The following FGFRL1 variants were observed in gnomAD, a reference collection of about 807,000 sequenced individuals.
FGFRL1 encodes the protein fibroblast growth factor receptor-like 1.
Under a neutral mutation model 36.8 loss-of-function variants are expected in FGFRL1, and 24 were observed. The observed-to-expected ratio is 0.65, with a 90% CI of 0.47 to 0.92. The LOEUF (loss-of-function observed/expected upper bound fraction) is 0.92, where lower values mean the gene tolerates loss of function less well. Among genes scored for constraint, FGFRL1 ranks in the 40% least tolerant of loss-of-function variants. The pLI is 0.00. For synonymous variants in FGFRL1, 422 were observed against 344.1 expected, an observed-to-expected ratio of 1.23 and a Z score of -2.50; for missense variants, 785 against 753.4, an observed-to-expected ratio of 1.04 and a Z score of -0.49.
chr4:1,023,477 C>T lies in FGFRL1; in HGVS notation c.353-164C>T, dbSNP rs1451989067. Among the ~76,000 whole-genome samples, 1 of 152,208 alleles carries T rather than the reference C, an allele frequency of 6.6e-6. No individual in the cohort carries two copies. Among genetic ancestry groups the T allele is most frequent in the Non-Finnish European group, 1.5e-5 (1 of 68,020 alleles). ...GTGTGGGCCAGCGGCCCTTGCCCAG[C>T]TGTCCCTGGGATTCTGGGCTGTGGG... On this transcript the variant is annotated intron_variant, in intron 3 of 6. Transcript: ENST00000510644. This position sits in a 1 kb window ranked among gnomAD's most constrained non-coding sequence, Gnocchi z 6.0.
chr4:1,023,517 C>T lies in FGFRL1; in HGVS notation c.353-124C>T, dbSNP rs753443118. 1.4e-5 allele frequency: 12 copies of T among 880,678 alleles called. No homozygotes were observed. The highest frequency in any genetic ancestry group is 1.8e-5 in the Non-Finnish European group (10 of 549,206). The allele number at this position is 880,678 out of a possible 1,614,324, so 54.6% of individuals were successfully genotyped here. On this transcript the variant is annotated intron_variant, in intron 3 of 6. Transcript: ENST00000510644. This position sits in a 1 kb window ranked among gnomAD's most constrained non-coding sequence, Gnocchi z 6.0. ...TGGGCTGTGGGTGTGTGGCGCAGCC[C>T]CCTGCCTGGGTGTCCAGGGCTGTCC...
At position 1,025,095 on chromosome 4, in the gene FGFRL1, G is replaced by T. The variant is rs907710217; in HGVS notation, c.1263G>T (p.Gly421=). ...CCCTGCCTGGGCACCGCCCGCCGGG[G>T]ACGGCCCGCGACCGCAGCGGAGACA... ...APPLPGHRPP[G]TARDRSGDKD... The change falls in exon 7 of 7, where the codon GGG becomes GGT. Residue 421 remains glycine (G), a synonymous_variant. Transcript: ENST00000510644. 1.2e-6 allele frequency: 2 copies of T among 1,610,374 alleles called. No individual in the cohort carries two copies. Among genetic ancestry groups the T allele is most frequent in the African/African-American group, 2.7e-5 (2 of 74,874 alleles).
At position 1,024,130 on chromosome 4, in the gene FGFRL1, G is replaced by A. The variant is rs552464132; in HGVS notation, c.718+29G>A. 3.2e-5 allele frequency: 45 copies of A among 1,423,502 alleles called. No homozygotes were observed. In the African/African-American group the frequency reaches 4.4e-4, roughly 14 times the overall value. 88.2% of individuals were successfully genotyped at this position (1,423,502 alleles called of 1,614,324 possible). A position where few individuals can be genotyped will look rare whatever the true frequency, so the allele number is the denominator to read the frequency against. ...AGTGTGGCCCCGGGCGCTGGCGGGC[G>A]GGGGGTGCTGGTGGGCGGGGGCGCT... On this transcript the variant is annotated intron_variant, in intron 5 of 6. Coordinates refer to ENST00000510644, the MANE Select transcript of FGFRL1 (RefSeq NM_001004356.3).
intron 2 of FGFRL1, among the ~76,000 whole-genome samples, chr4:1,014,086 T>C (rs1577556277): frequency 6.6e-6 from 1 of 152,240 alleles, no homozygotes; most frequent in East Asian, 1.9e-4. Flanking sequence ...TCTCCTGCTC[T>C]GAACAGCCCA....
At position 1,023,945 on chromosome 4, in the gene FGFRL1, G is replaced by A. The variant is rs1053065027; in HGVS notation, c.562G>A (p.Asp188Asn). Residue 188 changes from aspartate to asparagine, a missense_variant, in exon 5 of 7, where the codon GAC becomes AAC. By Grantham distance (23) the Asp-to-Asn change is conservative. Coordinates refer to ENST00000510644, the MANE Select transcript of FGFRL1 (RefSeq NM_001004356.3). The surrounding 1 kb of genome is among the most constrained non-coding windows in gnomAD (Gnocchi z 6.0). ...PRPDITWMKDDQALTRPEAAE... is the reference protein window; with the variant it reads ...PRPDITWMKDNQALTRPEAAE... The stretch of plus-strand genomic sequence containing the variant: ...GCCCGACATCACGTGGATGAAGGAC[G>A]ACCAGGCCTTGACGCGCCCAGAGGC... 7.5e-6 allele frequency: 12 copies of A among 1,590,328 alleles called. No homozygotes were observed. Among genetic ancestry groups the A allele is most frequent in the Middle Eastern group, 1.6e-4 (1 of 6,068 alleles).
chr4:1,025,554 GCA>G lies in FGFRL1; in HGVS notation c.*211_*212del. 1 of 652,394 alleles carries G rather than the reference GCA, an allele frequency of 1.5e-6. No homozygotes were observed. The highest frequency in any genetic ancestry group is 2.6e-6 in the Non-Finnish European group (1 of 387,496). 40.4% of individuals were successfully genotyped at this position (652,394 alleles called of 1,614,324 possible). On this transcript the variant is annotated 3_prime_UTR_variant, in exon 7 of 7. Transcript: ENST00000510644. ...GATGCATGTATGCACACACATGCGCGCACACGTGCTCCCTGAAGGCACACGTA... is the reference window on the plus strand; with the variant it reads ...GATGCATGTATGCACACACATGCGCGCACGTGCTCCCTGAAGGCACACGTA...
chr4:1,011,531 G>T (rs921019878), upstream of FGFRL1, among the ~76,000 whole-genome samples: 1 of 145,672 alleles, frequency 6.9e-6, no homozygotes, highest in Non-Finnish European at 1.5e-5. Context: ...AAGTTTGGCG[G>T]CGGGGCGGGG....
chr4:1,013,755 A>G (rs543785846), intron 2 of FGFRL1, among the ~76,000 whole-genome samples: 188 of 152,364 alleles, frequency 1.2e-3, no homozygotes, highest in Non-Finnish European at 1.6e-3. Flanking sequence ...CTGTCCTGCC[A>G]TGTTTCCTGG....
chr4:1,022,461 C>T lies in FGFRL1; in HGVS notation c.338C>T (p.Thr113Ile), dbSNP rs377060032. 2 of 1,603,838 alleles carry T rather than the reference C, an allele frequency of 1.2e-6. No individual in the cohort carries two copies. The highest frequency in any genetic ancestry group is 1.3e-5 in the African/African-American group (1 of 74,812). ...TTCGGCAGCCTGAGCGTCAACTACA[C>T]CCTCGTCGTGCTGGGTTAGTCGCTG... ...NGFGSLSVNY[T>I]LVVLDDISPG... is the part of the protein sequence containing the mutation. Residue 113 changes from threonine to isoleucine, a missense_variant, in exon 3 of 7, where the codon ACC becomes ATC. Coordinates refer to ENST00000510644, the MANE Select transcript of FGFRL1 (RefSeq NM_001004356.3).
chr4:1,024,638 G>A lies in FGFRL1; in HGVS notation c.1046G>A (p.Arg349His), dbSNP rs1009734189. Residue 349 changes from arginine (R) to histidine (H), a missense_variant, in exon 6 of 7, where the codon CGC (arginine) becomes CAC (histidine). Coordinates refer to ENST00000510644, the MANE Select transcript of FGFRL1 (RefSeq NM_001004356.3). ...GCCAACACCATGGGCTACAGCTTCC[G>A]CAGCGCCTTCCTCACCGTGCTGCCA... ...LGANTMGYSFRSAFLTVLPDP... is the reference protein window; with the variant it reads ...LGANTMGYSFHSAFLTVLPDP... 4.4e-6 allele frequency: 7 copies of A among 1,606,316 alleles called. No individual in the cohort carries two copies. The highest frequency in any genetic ancestry group is 1.7e-5 in the Admixed American group (1 of 59,888).
intron 2 of FGFRL1, among the ~76,000 whole-genome samples, chr4:1,021,882 C>T (rs1024699474): frequency 2.0e-5 from 3 of 152,228 alleles, no homozygotes; most frequent in Non-Finnish European, 4.4e-5. Flanking sequence ...TTACCAAGCG[C>T]AGCTGTTTTG....
At chr4:1,013,814 G>A (rs990610585) in intron 2 of FGFRL1, among the ~76,000 whole-genome samples, 1 of 152,298 alleles carries the variant, frequency 6.6e-6, no homozygotes, top group East Asian at 1.9e-4. Flanking sequence ...CATGGCAGTG[G>A]GCGGCAGAGC....
In FGFRL1 at chr4:1,025,219, G is replaced by C. The variant is rs1560566374; in HGVS notation, c.1387G>C (p.Gly463Arg). 6.2e-7 allele frequency: 1 copy of C among 1,609,996 alleles called. No individual in the cohort carries two copies. Among genetic ancestry groups the C allele is most frequent in the East Asian group, 2.2e-5 (1 of 44,796 alleles). ...AGCCCCCCAGCACTTACTGGGCCCAGGCCCAGTTGCTGGCCCTAAGTTGTA... is the reference window on the plus strand; with the variant it reads ...AGCCCCCCAGCACTTACTGGGCCCACGCCCAGTTGCTGGCCCTAAGTTGTA... ...PAAPQHLLGP[G>R]PVAGPKLYPK... The change falls in exon 7 of 7, where the codon GGC (glycine) becomes CGC (arginine). Residue 463 changes from glycine (G) to arginine (R), a missense_variant. Gly to Arg is a moderately radical substitution (Grantham distance 125). Coordinates refer to ENST00000510644, the MANE Select transcript of FGFRL1 (RefSeq NM_001004356.3).
intron 2 of FGFRL1, among the ~76,000 whole-genome samples, chr4:1,019,127 T>C (rs981399472): frequency 6.6e-6 from 1 of 152,206 alleles, no homozygotes; most frequent in East Asian, 1.9e-4. Context: ...CGCATGCCTT[T>C]GGGGACCCTT....
In FGFRL1 at chr4:1,023,507, T is replaced by TGGC; in HGVS notation, c.353-132_353-130dup. The TGGC allele has an allele frequency of 6.3e-6, 5 of 797,270 alleles. No individual in the cohort carries two copies. The highest frequency in any genetic ancestry group is 1.0e-5 in the Non-Finnish European group (5 of 480,002). 49.4% of individuals were successfully genotyped at this position (797,270 alleles called of 1,614,324 possible). On this transcript the variant is annotated intron_variant, in intron 3 of 6. Coordinates refer to ENST00000510644, the MANE Select transcript of FGFRL1 (RefSeq NM_001004356.3). The surrounding 1 kb of genome is among the most constrained non-coding windows in gnomAD (Gnocchi z 6.0). ...CCTGGGATTCTGGGCTGTGGGTGTG[T>TGGC]GGCGCAGCCCCCTGCCTGGGTGTCC...
intron 2 of FGFRL1, 118 bp downstream of exon 2, chr4:1,012,682 C>T (rs1715663595): frequency 4.6e-6 from 2 of 432,142 alleles, no homozygotes; most frequent in African/African-American, 4.3e-5. Flanking sequence ...GCCCCTGCCG[C>T]CCCGCTCGCC....
rs539246283 is a variant in FGFRL1 at position 1,026,017 on chromosome 4, A to G, written c.*670A>G. On this transcript the variant is annotated 3_prime_UTR_variant, in exon 7 of 7. Coordinates refer to ENST00000510644, the MANE Select transcript of FGFRL1 (RefSeq NM_001004356.3). ...AGATATGCTGTCTAGTCACACACAC[A>G]CGCAGACATGCTGTCCGGACACACA... is the stretch of plus-strand genomic sequence containing the variant. The G allele has an allele frequency of 7.1e-6, 1 of 141,510 alleles. No individual in the cohort carries two copies. Among genetic ancestry groups the G allele is most frequent in the South Asian group, 2.4e-4 (1 of 4,124 alleles). The allele number at this position is 141,510 out of a possible 1,614,324, so 8.8% of individuals were successfully genotyped here. A position where few individuals can be genotyped will look rare whatever the true frequency, so the allele number is the denominator to read the frequency against.
At position 1,024,467 on chromosome 4, in the gene FGFRL1, A is replaced by T. The variant is rs1438289531; in HGVS notation, c.875A>T (p.His292Leu). The change falls in exon 6 of 7, where the codon CAC (histidine) becomes CTC (leucine). Residue 292 changes from histidine (H) to leucine (L), a missense_variant. His to Leu is a moderately conservative substitution (Grantham distance 99). Coordinates refer to ENST00000510644, the MANE Select transcript of FGFRL1 (RefSeq NM_001004356.3). ...KRVEYGAEGR[H>L]NSTIDVGGQK... The stretch of plus-strand genomic sequence containing the variant: ...GTGGAGTACGGCGCCGAGGGCCGCC[A>T]CAACTCCACCATCGATGTGGGCGGC... 6.2e-7 allele frequency: 1 copy of T among 1,612,422 alleles called. No individual in the cohort carries two copies. Among genetic ancestry groups the T allele is most frequent in the Non-Finnish European group, 8.5e-7 (1 of 1,179,832 alleles).
At chr4:1,018,542 G>A (rs1716013740) in intron 2 of FGFRL1, among the ~76,000 whole-genome samples, 1 of 152,206 alleles carries the variant, frequency 6.6e-6, no homozygotes, top group Admixed American at 6.5e-5. Flanking sequence ...CTAAGTGTGT[G>A]TGCAGGGCAG....
Sources: gnomAD v4.1 joint callset for allele counts (sites outside exome capture counted in the v4.1 genomes callset) on GRCh38, gnomAD v4.1.1 for gene constraint, Gnocchi (gnomAD v3.1) non-coding constraint, MANE v1.5 for transcripts, NCBI Gene and HGNC (gene_info 2026-07-23, HGNC 2026-07-21) for gene names.